Variants in FRMD5 observed in about 807,000 individuals in gnomAD.
The protein encoded by FRMD5 is FERM domain containing 5, also known as FERM domain-containing protein 5.
Under a neutral mutation model 69.0 loss-of-function variants are expected in FRMD5, and 20 were observed. That is an observed-to-expected ratio of 0.29 (90% confidence interval 0.20 to 0.42). The LOEUF (loss-of-function observed/expected upper bound fraction) is 0.42, where lower values mean the gene tolerates loss of function less well. Ranked by LOEUF, FRMD5 falls within the 10% of genes least tolerant of loss-of-function variation. The pLI, the probability that FRMD5 is intolerant of heterozygous loss-of-function variation, is 1.00. For missense variants in FRMD5, 595 were observed against 708.6 expected (o/e 0.84, Z 1.82); for synonymous variants, 271 against 260.1 (o/e 1.04, Z -0.40).
At chr15:44,081,836 A>G (rs1256731250) in intron 1 of FRMD5, among the ~76,000 whole-genome samples, 10 of 151,994 alleles carry the variant, frequency 6.6e-5, no homozygotes, top group Admixed American at 6.6e-4. Context: ...TAATGGAAAT[A>G]GTGAAAATTA....
At chr15:44,060,090 G>A (rs1296774378) in intron 1 of FRMD5, among the ~76,000 whole-genome samples, 1 of 152,188 alleles carries the variant, frequency 6.6e-6, no homozygotes, top group Non-Finnish European at 1.5e-5. Flanking sequence ...ATAGAACAGA[G>A]ATTAGAAGCA....
chr15:44,032,577 G>A (rs1891730117), intron 1 of FRMD5, among the ~76,000 whole-genome samples: 1 of 152,144 alleles, frequency 6.6e-6, no homozygotes, highest in South Asian at 2.1e-4. Context: ...AGACATACAT[G>A]CAGCCAACAA....
intron 1 of FRMD5, among the ~76,000 whole-genome samples, chr15:44,109,139 T>C (rs1162020748): frequency 2.0e-5 from 3 of 152,148 alleles, no homozygotes; most frequent in East Asian, 1.9e-4. Context: ...TTATCATTAA[T>C]GGTTATGTTC....
chr15:44,020,160 AG>A (rs1202641593), intron 1 of FRMD5, among the ~76,000 whole-genome samples: 2 of 151,570 alleles, frequency 1.3e-5, no homozygotes, highest in Non-Finnish European at 2.9e-5. Context: ...TTTCTGAGAC[AG>A]GGTTTTGCTC....
Position 44,166,674 on chromosome 15 carries a change from C to T in FRMD5, c.102+28279G>A, listed in dbSNP as rs112667855. On this transcript the variant is annotated intron_variant, in intron 1 of 13. Coordinates refer to ENST00000417257, the MANE Select transcript of FRMD5 (RefSeq NM_032892.5). ...TGGTGAGCAGCTGTAATCCCAGCTACTCGGGAGGCTGAGGCAGGAGAATGG... is the reference window on the plus strand; with the variant it reads ...TGGTGAGCAGCTGTAATCCCAGCTATTCGGGAGGCTGAGGCAGGAGAATGG... 1.2e-3 allele frequency among the ~76,000 whole-genome samples: 178 copies of T among 150,606 alleles called. 1 individual carries two copies. Among genetic ancestry groups the T allele is most frequent in the African/African-American group, 4.3e-3 (175 of 40,888 alleles).
intron 1 of FRMD5, among the ~76,000 whole-genome samples, chr15:44,182,205 T>TTCATC (rs1397954765): frequency 6.6e-6 from 1 of 151,650 alleles, no homozygotes; most frequent in Non-Finnish European, 1.5e-5. Flanking sequence ...AAGACAGGGT[T>TTCATC]TCATCTTGTT....
At chr15:44,054,693 G>A (rs1892798544) in intron 1 of FRMD5, among the ~76,000 whole-genome samples, 1 of 151,990 alleles carries the variant, frequency 6.6e-6, no homozygotes, top group African/African-American at 2.4e-5. Context: ...AACTCTTTGG[G>A]ATAAAACTGT....
chr15:43,970,715 A>G (rs2090362069), intron 1 of FRMD5, among the ~76,000 whole-genome samples: 1 of 152,182 alleles, frequency 6.6e-6, no homozygotes, highest in Non-Finnish European at 1.5e-5. Flanking sequence ...GGCCTCCCAA[A>G]GTGCTGGGAT....
At chr15:44,024,529 T>A (rs546314361) in intron 1 of FRMD5, among the ~76,000 whole-genome samples, 30 of 152,320 alleles carry the variant, frequency 2.0e-4, no homozygotes, top group African/African-American at 7.0e-4. Flanking sequence ...AACTTATATT[T>A]CCCTAATTGC....
chr15:44,108,839 T>C (rs901422535), intron 1 of FRMD5, among the ~76,000 whole-genome samples: 1 of 151,660 alleles, frequency 6.6e-6, no homozygotes, highest in African/African-American at 2.4e-5. Flanking sequence ...CACAAGCCTG[T>C]AGTCCCAGCT....
At chr15:44,073,799 T>C (rs947267929) in intron 1 of FRMD5, among the ~76,000 whole-genome samples, 4 of 152,184 alleles carry the variant, frequency 2.6e-5, no homozygotes, top group African/African-American at 4.8e-5. Flanking sequence ...CACCTATTCA[T>C]ATGAAATTTT....
At chr15:44,143,519 C>T (rs1378320213) in intron 1 of FRMD5, among the ~76,000 whole-genome samples, 2 of 151,818 alleles carry the variant, frequency 1.3e-5, no homozygotes, top group African/African-American at 2.4e-5. Context: ...AGGCATCTTT[C>T]CAAGGGTTCC....
At position 44,150,862 on chromosome 15, in the gene FRMD5, C is replaced by T. The variant is rs2077433393; in HGVS notation, c.102+44091G>A. On this transcript the variant is annotated intron_variant, in intron 1 of 13. Coordinates refer to ENST00000417257, the MANE Select transcript of FRMD5 (RefSeq NM_032892.5). ...ATCCCAACATTTTGGGAGGCCAAGG[C>T]AGGTGGATCAATTGAGATCAGGAGT... is the stretch of plus-strand genomic sequence containing the variant. 2.0e-5 allele frequency among the ~76,000 whole-genome samples: 3 copies of T among 152,254 alleles called. No individual in the cohort carries two copies. The South Asian group carries it at 6.2e-4, about 32-fold the overall frequency.
chr15:43,884,278 T>C (rs1023325308), intron 12 of FRMD5, among the ~76,000 whole-genome samples: 6 of 152,182 alleles, frequency 3.9e-5, no homozygotes, highest in Non-Finnish European at 8.8e-5. Flanking sequence ...GTCATATTCT[T>C]TCTGGGTCTT....
intron 1 of FRMD5, among the ~76,000 whole-genome samples, chr15:44,075,894 T>C (rs1893738692): frequency 6.6e-6 from 1 of 152,256 alleles, no homozygotes. Context: ...GTGGTTTTGA[T>C]TTGCATTTCT....
chr15:44,095,734 T>C (rs1242593838), intron 1 of FRMD5, among the ~76,000 whole-genome samples: 6 of 152,178 alleles, frequency 3.9e-5, no homozygotes, highest in Non-Finnish European at 7.3e-5. Context: ...CCTCCTGGCA[T>C]GGCCAACTGG....
chr15:44,020,238 C>A (rs979617319), intron 1 of FRMD5, among the ~76,000 whole-genome samples: 2 of 151,886 alleles, frequency 1.3e-5, no homozygotes, highest in Admixed American at 6.6e-5. Flanking sequence ...CTTAATAAGA[C>A]CACTTTACAT....
chr15:44,195,063 C>T lies in FRMD5; in HGVS notation c.-9G>A. On this transcript the variant is annotated 5_prime_UTR_variant, in exon 1 of 14. Coordinates refer to ENST00000417257, the MANE Select transcript of FRMD5 (RefSeq NM_032892.5). ...ATCAACCTGCTCAGCATCTTCCCGC[C>T]CGCCCGCCCGGGAGCGACGCGGCGG... 2 of 1,515,568 alleles carry T rather than the reference C, an allele frequency of 1.3e-6. No homozygotes were observed. The highest frequency in any genetic ancestry group is 1.8e-6 in the Non-Finnish European group (2 of 1,137,038). The allele number at this position is 1,515,568 out of a possible 1,614,324, so 93.9% of individuals were successfully genotyped here.
At chr15:43,958,879 C>A (rs2090155089) in intron 1 of FRMD5, among the ~76,000 whole-genome samples, 1 of 152,196 alleles carries the variant, frequency 6.6e-6, no homozygotes, top group Non-Finnish European at 1.5e-5. Context: ...AAGGTGGTGA[C>A]AGACTCCTTA....
Sources: gnomAD v4.1 joint callset for allele counts (sites outside exome capture counted in the v4.1 genomes callset) on GRCh38, gnomAD v4.1.1 for gene constraint, MANE v1.5 for transcripts, NCBI Gene and HGNC (gene_info 2026-07-23, HGNC 2026-07-21) for gene names.